Variants in MTUS2 observed in about 807,000 individuals in gnomAD.
MTUS2 encodes the protein microtubule associated scaffold protein 2, also known as microtubule-associated tumor suppressor candidate 2.
A neutral mutation model predicts 114.1 loss-of-function variants in MTUS2; 40 were observed. That is an observed-to-expected ratio of 0.35 (90% CI 0.27 to 0.46). The LOEUF is 0.46. MTUS2 is among the 20% of genes least tolerant of loss of function. MTUS2 has a pLI of 1.00. For missense variants in MTUS2, 1,679 were observed against 1,705.4 expected, an observed-to-expected ratio of 0.98 and a Z score of 0.27; for synonymous variants, 688 against 672.0, an observed-to-expected ratio of 1.02 and a Z score of -0.37.
chr13:29,405,835 G>A (rs1311655756), intron 8 of MTUS2, among the ~76,000 whole-genome samples: 1 of 150,340 alleles, frequency 6.7e-6, no homozygotes, highest in Non-Finnish European at 1.5e-5. Flanking sequence ...CCGCCTCCCG[G>A]GTTTAAGCGA....
intron 2 of MTUS2, among the ~76,000 whole-genome samples, chr13:28,985,393 C>T (rs1011306653): frequency 6.6e-6 from 1 of 152,112 alleles, no homozygotes; most frequent in Non-Finnish European, 1.5e-5. Flanking sequence ...GCAGTTAGCA[C>T]AGAGTTTGGT....
At chr13:29,189,579 C>T (rs1039755871) in intron 5 of MTUS2, among the ~76,000 whole-genome samples, 12 of 152,034 alleles carry the variant, frequency 7.9e-5, no homozygotes, top group African/African-American at 2.7e-4. Flanking sequence ...GACACTTTCA[C>T]CTCTAATTAT....
intron 9 of MTUS2, among the ~76,000 whole-genome samples, chr13:29,466,654 A>G (rs941365247): frequency 6.6e-6 from 1 of 152,132 alleles, no homozygotes; most frequent in Admixed American, 6.5e-5. Context: ...AGGCAAGTGG[A>G]TCACTTGAGC....
chr13:29,116,991 T>A (rs1295136303), intron 5 of MTUS2, among the ~76,000 whole-genome samples: 1 of 152,152 alleles, frequency 6.6e-6, no homozygotes, highest in African/African-American at 2.4e-5. Context: ...TGACTGCAAG[T>A]ATAGTGTTTC....
chr13:29,130,878 C>T (rs1372610212), intron 5 of MTUS2, among the ~76,000 whole-genome samples: 2 of 152,186 alleles, frequency 1.3e-5, no homozygotes, highest in African/African-American at 4.8e-5. Flanking sequence ...CCTGCCTCAG[C>T]CCCCCAAAGT....
chr13:29,499,706 C>T (rs1593522947), intron 14 of MTUS2, among the ~76,000 whole-genome samples: 1 of 152,240 alleles, frequency 6.6e-6, no homozygotes, highest in Non-Finnish European at 1.5e-5. Flanking sequence ...ATCATCTCAT[C>T]GAAATTCCCC....
intron 2 of MTUS2, among the ~76,000 whole-genome samples, chr13:28,978,106 C>T (rs1428406491): frequency 6.6e-6 from 1 of 152,150 alleles, no homozygotes; most frequent in African/African-American, 2.4e-5. Context: ...TTTTCTGCTA[C>T]ATTTACCTTG....
At chr13:29,344,869 T>C (rs1868511091) in intron 7 of MTUS2, among the ~76,000 whole-genome samples, 1 of 152,198 alleles carries the variant, frequency 6.6e-6, no homozygotes, top group South Asian at 2.1e-4. Flanking sequence ...TGGCAAATTC[T>C]CTCAACATTT....
intron 2 of MTUS2, among the ~76,000 whole-genome samples, chr13:29,014,348 A>G (rs761102349): frequency 6.6e-6 from 1 of 152,170 alleles, no homozygotes; most frequent in Non-Finnish European, 1.5e-5. Flanking sequence ...TGATTAATAT[A>G]CTCTTAGCAA....
chr13:28,951,775 G>T (rs1486749550), intron 2 of MTUS2, among the ~76,000 whole-genome samples: 1 of 152,020 alleles, frequency 6.6e-6, no homozygotes, highest in Non-Finnish European at 1.5e-5. Flanking sequence ...CTCCAGCCTG[G>T]ATGACAGAGT....
chr13:29,465,235 C>T (rs1311060953), intron 9 of MTUS2, among the ~76,000 whole-genome samples: 1 of 152,152 alleles, frequency 6.6e-6, no homozygotes, highest in African/African-American at 2.4e-5. Flanking sequence ...GTGCTGAGCA[C>T]TTACTATGAA....
intron 4 of MTUS2, among the ~76,000 whole-genome samples, chr13:29,046,991 C>T (rs963178119): frequency 3.9e-5 from 6 of 152,170 alleles, no homozygotes; most frequent in African/African-American, 7.2e-5. Context: ...GCAGGACTTG[C>T]GTCAGGAATA....
intron 9 of MTUS2, among the ~76,000 whole-genome samples, chr13:29,478,654 G>T (rs1435050789): frequency 6.6e-6 from 1 of 152,064 alleles, no homozygotes; most frequent in South Asian, 2.1e-4. Context: ...TTTTTCGCTT[G>T]TAAATTCTCT....
At chr13:29,115,718 G>A (rs1478203147) in intron 5 of MTUS2, among the ~76,000 whole-genome samples, 1 of 152,164 alleles carries the variant, frequency 6.6e-6, no homozygotes, top group African/African-American at 2.4e-5. Context: ...GGAAGGAGAG[G>A]TGGACTGGTA....
At chr13:28,895,947 A>G (rs1173314471) in intron 2 of MTUS2, among the ~76,000 whole-genome samples, 5 of 152,192 alleles carry the variant, frequency 3.3e-5, no homozygotes, top group Non-Finnish European at 7.4e-5. Context: ...TGGTGTGGGA[A>G]CATTTTTTTC....
intron 4 of MTUS2, among the ~76,000 whole-genome samples, chr13:29,048,623 C>T (rs1170999128): frequency 6.6e-6 from 1 of 152,202 alleles, no homozygotes; most frequent in Non-Finnish European, 1.5e-5. Context: ...CATGTACCAC[C>T]ACCCTTGGCT....
chr13:29,138,191 G>T (rs114585901), intron 5 of MTUS2, among the ~76,000 whole-genome samples: 261 of 152,170 alleles, frequency 1.7e-3, no homozygotes, highest in African/African-American at 6.0e-3. Flanking sequence ...TGGGGGATGG[G>T]TAGCTGCTCC....
intron 2 of MTUS2, among the ~76,000 whole-genome samples, chr13:29,014,035 A>G (rs562306181): frequency 6.6e-6 from 1 of 152,208 alleles, no homozygotes; most frequent in East Asian, 1.9e-4. Flanking sequence ...TTCATTTCCT[A>G]TTGCTCCTTA....
chr13:29,269,178 A>AT (rs1294483045), intron 5 of MTUS2, among the ~76,000 whole-genome samples: 1 of 152,190 alleles, frequency 6.6e-6, no homozygotes, highest in Non-Finnish European at 1.5e-5. Flanking sequence ...ACTGACAGTC[A>AT]TTCCCCAGTG....
Sources: allele counts gnomAD v4.1 joint callset (sites outside exome capture counted in the v4.1 genomes callset), GRCh38; gene constraint gnomAD v4.1.1; transcripts MANE v1.5; gene names NCBI Gene and HGNC (gene_info 2026-07-23, HGNC 2026-07-21).